Variants in WNT7A observed in about 807,000 individuals in gnomAD.
WNT7A encodes the protein Wnt family member 7A.
WNT7A carries 16 observed loss-of-function variants against 28.2 expected under a neutral mutation model. That is an observed-to-expected ratio of 0.57 (90% CI 0.38 to 0.86). The LOEUF is 0.86. Among genes scored for constraint, WNT7A ranks in the 40% least tolerant of loss-of-function variants. The pLI is 0.00. For synonymous variants in WNT7A, 190 were observed against 195.9 expected, an observed-to-expected ratio of 0.97 and a Z score of 0.25; for missense variants, 411 against 489.7, an observed-to-expected ratio of 0.84 and a Z score of 1.52.
intron 2 of WNT7A, among the ~76,000 whole-genome samples, chr3:13,867,942 G>A (rs1283972416): frequency 2.6e-5 from 4 of 152,246 alleles, no homozygotes; most frequent in East Asian, 1.9e-4. Flanking sequence ...GCCAGTCCCA[G>A]TGTTGGAGCT....
At chr3:13,848,975 T>A (rs983655018) in intron 3 of WNT7A, among the ~76,000 whole-genome samples, 2 of 152,198 alleles carry the variant, frequency 1.3e-5, no homozygotes, top group Non-Finnish European at 2.9e-5. Context: ...TTGTGCTGAA[T>A]GAAAAGAAGC....
At chr3:13,868,790 AAGG>A (rs1694971407) in intron 2 of WNT7A, among the ~76,000 whole-genome samples, 1 of 35,414 alleles carries the variant, frequency 2.8e-5, no homozygotes, top group Non-Finnish European at 6.0e-5. Flanking sequence ...GGAAGGAAGG[AAGG>A]GAGAGAGAGA....
intron 3 of WNT7A, among the ~76,000 whole-genome samples, chr3:13,842,628 A>G (rs1694481434): frequency 6.6e-6 from 1 of 152,208 alleles, no homozygotes; most frequent in Non-Finnish European, 1.5e-5. Flanking sequence ...GTGTGAAAGA[A>G]AGAAAAGTGT....
intron 1 of WNT7A, chr3:13,876,890 GT>G (rs1335275646): frequency 1.3e-5 from 2 of 152,140 alleles, no homozygotes; most frequent in African/African-American, 2.4e-5. Context: ...CACAATCTCT[GT>G]TTTGTTTACT....
intron 2 of WNT7A, among the ~76,000 whole-genome samples, chr3:13,866,039 A>G (rs1694905320): frequency 6.6e-6 from 1 of 152,002 alleles, no homozygotes; most frequent in African/African-American, 2.4e-5. Flanking sequence ...TTGAGTGGAG[A>G]CCTGCATATG....
intron 2 of WNT7A, among the ~76,000 whole-genome samples, chr3:13,856,333 C>T (rs1351873283): frequency 1.3e-5 from 2 of 152,236 alleles, no homozygotes; most frequent in African/African-American, 2.4e-5. Flanking sequence ...TGAGAAGGTA[C>T]AGGAGAAGGG....
At chr3:13,833,495 C>T (rs1483509699) in intron 3 of WNT7A, among the ~76,000 whole-genome samples, 2 of 152,224 alleles carry the variant, frequency 1.3e-5, no homozygotes, top group East Asian at 1.9e-4. Flanking sequence ...TAAACTGGGG[C>T]ATTTAAAGTA....
chr3:13,826,248 A>C (rs1193960992), intron 3 of WNT7A, among the ~76,000 whole-genome samples: 2 of 152,124 alleles, frequency 1.3e-5, no homozygotes, highest in African/African-American at 4.8e-5. Context: ...TGTGATTCCA[A>C]ACCAGAAGTA....
At position 13,868,847 on chromosome 3, in the gene WNT7A, AGT is replaced by A. The variant is rs534405391; in HGVS notation, c.298+6098_298+6099del. Among the ~76,000 whole-genome samples the A allele has an allele frequency of 1.1e-3, 160 of 142,490 alleles. 3 individuals carry two copies. Among genetic ancestry groups the A allele is most frequent in the Middle Eastern group, 0.011 (3 of 274 alleles). 93.5% of individuals were successfully genotyped at this position (142,490 alleles called of 152,430 possible). On this transcript the variant is annotated intron_variant, in intron 2 of 3. Transcript: ENST00000285018. ...GAGAAAGAGAGAAAGAGAGAGAGAAAGTGAGAGAGAGAGAGAAAGAGACAGAG... is the reference window on the plus strand; with the variant it reads ...GAGAAAGAGAGAAAGAGAGAGAGAAAGAGAGAGAGAGAGAAAGAGACAGAG...
At chr3:13,853,627 G>T (rs999025063) in intron 3 of WNT7A, among the ~76,000 whole-genome samples, 2 of 152,206 alleles carry the variant, frequency 1.3e-5, no homozygotes, top group African/African-American at 4.8e-5. Flanking sequence ...GCCTCTGACA[G>T]TTCCCAGTGT....
At chr3:13,869,608 AAGAG>A (rs1214821895) in intron 2 of WNT7A, among the ~76,000 whole-genome samples, 6 of 144,836 alleles carry the variant, frequency 4.1e-5, no homozygotes, top group Non-Finnish European at 7.5e-5. Context: ...GGGAGGAAGA[AAGAG>A]AGAAAGAGAA....
intron 2 of WNT7A, among the ~76,000 whole-genome samples, chr3:13,868,806 AAG>A (rs1694972214): frequency 2.4e-5 from 1 of 41,836 alleles, no homozygotes; most frequent in South Asian, 1.5e-3. Flanking sequence ...GAGAGAGAGA[AAG>A]AAAGAGAGAG....
intron 2 of WNT7A, among the ~76,000 whole-genome samples, chr3:13,868,506 A>AAG (rs566629689): frequency 5.6e-5 from 8 of 143,962 alleles, no homozygotes; most frequent in African/African-American, 8.0e-5. Flanking sequence ...GAAAGAAAGA[A>AAG]AGAGAGAGAG....
chr3:13,833,096 C>T (rs533995827), intron 3 of WNT7A, among the ~76,000 whole-genome samples: 1 of 152,132 alleles, frequency 6.6e-6, no homozygotes, highest in South Asian at 2.1e-4. Flanking sequence ...ACCTGTGTGG[C>T]CTGCACACAG....
At chr3:13,866,511 T>C (rs1292619941) in intron 2 of WNT7A, among the ~76,000 whole-genome samples, 18 of 151,982 alleles carry the variant, frequency 1.2e-4, no homozygotes, top group Admixed American at 1.2e-3. Context: ...CAAAGTGACA[T>C]AAAGAAAATG....
intron 3 of WNT7A, among the ~76,000 whole-genome samples, chr3:13,825,303 C>T (rs1462164014): frequency 1.3e-5 from 2 of 152,176 alleles, no homozygotes; most frequent in Non-Finnish European, 2.9e-5. Flanking sequence ...CAGTGACTCC[C>T]TCATGGTTTC....
chr3:13,823,394 T>C (rs1403191543), intron 3 of WNT7A, among the ~76,000 whole-genome samples: 3 of 152,126 alleles, frequency 2.0e-5, no homozygotes, highest in African/African-American at 7.2e-5. Context: ...CAGAAGGTAA[T>C]TCACCAAGGG....
At chr3:13,837,005 T>C (rs1015028088) in intron 3 of WNT7A, among the ~76,000 whole-genome samples, 3 of 152,122 alleles carry the variant, frequency 2.0e-5, no homozygotes, top group African/African-American at 7.2e-5. Flanking sequence ...CCAGGGACCT[T>C]GCTCCTCCTG....
At chr3:13,836,155 A>G (rs1180702926) in intron 3 of WNT7A, among the ~76,000 whole-genome samples, 1 of 148,278 alleles carries the variant, frequency 6.7e-6, no homozygotes, top group Admixed American at 6.7e-5. Flanking sequence ...CTCTAAGAGG[A>G]TGGATTGTAT....
Sources: gnomAD v4.1 joint callset for allele counts (sites outside exome capture counted in the v4.1 genomes callset) on GRCh38, gnomAD v4.1.1 for gene constraint, MANE v1.5 for transcripts, NCBI Gene and HGNC (gene_info 2026-07-23, HGNC 2026-07-21) for gene names.